The following GPR180 variants were observed in gnomAD, a reference collection of about 807,000 sequenced individuals.
GPR180 encodes the protein integral membrane protein GPR180.
GPR180 carries 53 observed loss-of-function variants against 52.6 expected under a neutral mutation model. The observed-to-expected ratio is 1.01, with a 90% confidence interval of 0.81 to 1.27. The LOEUF is 1.27. Ranked by LOEUF, GPR180 falls within the 50% of genes most tolerant of loss-of-function variation. The pLI is 0.00. For synonymous variants in GPR180, 200 were observed against 193.1 expected, an observed-to-expected ratio of 1.04 and a Z score of -0.30; for missense variants, 533 against 527.0, an observed-to-expected ratio of 1.01 and a Z score of -0.11.
intron 3 of GPR180, among the ~76,000 whole-genome samples, 186 bp downstream of exon 3, chr13:94,612,576 T>C (rs1889722461): frequency 6.6e-6 from 1 of 152,232 alleles, no homozygotes; most frequent in Non-Finnish European, 1.5e-5. Context: ...AGAGTATTAC[T>C]TGAGTGTATT....
intron 1 of GPR180, among the ~76,000 whole-genome samples, chr13:94,605,181 G>A (rs574673062): frequency 6.6e-6 from 1 of 152,266 alleles, no homozygotes; most frequent in African/African-American, 2.4e-5. Context: ...GTTATCAGCT[G>A]AATTTCAAGG....
At chr13:94,619,099 C>A (rs770825661) in intron 3 of GPR180, 51 bp from the exon 4 acceptor site, 2 of 1,467,462 alleles carry the variant, frequency 1.4e-6, no homozygotes, top group African/African-American at 1.4e-5. Flanking sequence ...CAGCCCAATA[C>A]GATAACTGGC....
At position 94,621,161 on chromosome 13, in the gene GPR180, T is replaced by A; in HGVS notation, c.820T>A (p.Ser274Thr). The change falls in exon 6 of 9, where the codon TCT becomes ACT. Residue 274 changes from serine (S) to threonine (T), a missense_variant. Transcript: ENST00000376958. Reference protein sequence around the residue: ...MGWTIVRMKKSQSRPLQWDST... With the variant: ...MGWTIVRMKKTQSRPLQWDST... ...TTGGACAATAGTCAGAATGAAGAAG[T>A]CTCAAAGCAGACCTCTCCAGTGGGA... 1 of 1,612,572 alleles carries A rather than the reference T, an allele frequency of 6.2e-7. No homozygotes were observed. The highest frequency in any genetic ancestry group is 8.5e-7 in the Non-Finnish European group (1 of 1,179,696).
intron 8 of GPR180, among the ~76,000 whole-genome samples, 160 bp downstream of exon 8, chr13:94,626,203 G>T (rs1889926554): frequency 6.6e-6 from 1 of 151,956 alleles, no homozygotes; most frequent in Admixed American, 6.6e-5. Flanking sequence ...TAAATTTGAA[G>T]TTTAAAATAT....
At position 94,619,528 on chromosome 13, in the gene GPR180, T is replaced by C; in HGVS notation, c.736+11T>C. 1.2e-6 allele frequency: 2 copies of C among 1,607,546 alleles called. No individual in the cohort carries two copies. The highest frequency in any genetic ancestry group is 1.7e-6 in the Non-Finnish European group (2 of 1,176,008). On this transcript the variant is annotated intron_variant, in intron 5 of 8. Coordinates refer to ENST00000376958, the MANE Select transcript of GPR180 (RefSeq NM_180989.6). Reference sequence around the variant, plus strand: ...GAAGTTTGGCAGAATGTGAGTATCTTTCTGAGCATTTTTTAAAAAGCTTTT... The same window carrying C: ...GAAGTTTGGCAGAATGTGAGTATCTCTCTGAGCATTTTTTAAAAAGCTTTT...
Position 94,627,803 on chromosome 13 carries a change from T to C in GPR180, c.*632T>C, listed in dbSNP as rs1300463401. The C allele has an allele frequency of 3.3e-5, 5 of 152,166 alleles. No homozygotes were observed. The highest frequency in any genetic ancestry group is 1.2e-4 in the African/African-American group (5 of 41,448). 9.4% of individuals were successfully genotyped at this position (152,166 alleles called of 1,614,324 possible). Reference sequence around the variant, plus strand: ...GGTTTTAGCTTGATTAGCAAAGGTTTTTGACAAACAGTTTATGAAAAAATA... The same window carrying C: ...GGTTTTAGCTTGATTAGCAAAGGTTCTTGACAAACAGTTTATGAAAAAATA... On this transcript the variant is annotated 3_prime_UTR_variant, in exon 9 of 9. Coordinates refer to ENST00000376958, the MANE Select transcript of GPR180 (RefSeq NM_180989.6).
chr13:94,619,158 G>GC lies in GPR180; in HGVS notation c.514_515insC (p.Glu172AlafsTer26). ...CTTTCTTCTCTTCACAGGGTTACAT[G>GC]AGTTCTTTTTCCTCCTAGTCCTAGT... On this transcript the variant is annotated frameshift_variant, in exon 4 of 9. Transcript: ENST00000376958. LOFTEE classifies it high-confidence loss of function. 2 of 1,613,616 alleles carry GC rather than the reference G, an allele frequency of 1.2e-6. No homozygotes were observed. Among genetic ancestry groups the GC allele is most frequent in the Non-Finnish European group, 1.7e-6 (2 of 1,179,770 alleles).
At chr13:94,625,555 G>T (rs1044899092) in intron 7 of GPR180, among the ~76,000 whole-genome samples, 1 of 152,064 alleles carries the variant, frequency 6.6e-6, no homozygotes, top group Non-Finnish European at 1.5e-5. Flanking sequence ...CCTCAAACAG[G>T]TAACGACTAT....
chr13:94,621,181 GTGGGATTCTACGCCTGCATCCAC>G lies in GPR180; in HGVS notation c.844_866del (p.Asp282HisfsTer19). ...AGAAGTCTCAAAGCAGACCTCTCCA[GTGGGATTCTACGCCTGCATCCAC>G]TGGCATTGCAGTATTCATTGTCATG... On this transcript the variant is annotated frameshift_variant, in exon 6 of 9. Transcript: ENST00000376958. LOFTEE classifies it high-confidence loss of function. The G allele has an allele frequency of 6.2e-7, 1 of 1,611,870 alleles. No individual in the cohort carries two copies. Among genetic ancestry groups the G allele is most frequent in the Non-Finnish European group, 8.5e-7 (1 of 1,179,550 alleles).
At chr13:94,604,905 C>G (rs567407177) in intron 1 of GPR180, among the ~76,000 whole-genome samples, 1 of 152,056 alleles carries the variant, frequency 6.6e-6, no homozygotes, top group Admixed American at 6.5e-5. Flanking sequence ...GTCGTAGATA[C>G]CAAATTTTGT....
chr13:94,627,118 G>T lies in GPR180; in HGVS notation c.1270G>T (p.Val424Leu), dbSNP rs1594480937. The T allele has an allele frequency of 5.0e-6, 8 of 1,613,074 alleles. No homozygotes were observed. The highest frequency in any genetic ancestry group is 6.8e-6 in the Non-Finnish European group (8 of 1,179,538). The change falls in exon 9 of 9, where the codon GTA becomes TTA. Residue 424 changes from valine to leucine, a missense_variant. Coordinates refer to ENST00000376958, the MANE Select transcript of GPR180 (RefSeq NM_180989.6). Reference protein sequence around the residue: ...LYWEVSSLSSVTLPLTISSGH... With the variant: ...LYWEVSSLSSLTLPLTISSGH... ...CTGGGAAGTTTCTTCACTTTCTTCA[G>T]TAACACTACCACTGACCATATCATC...
At chr13:94,609,528 G>GT (rs1447398283) in intron 2 of GPR180, among the ~76,000 whole-genome samples, 3 of 151,790 alleles carry the variant, frequency 2.0e-5, no homozygotes, top group Admixed American at 1.3e-4. Context: ...AAAAGTGTGG[G>GT]TTTTTTTTAT....
rs1180806768 is a variant in GPR180, at chr13:94,605,494, G to A, written c.249G>A (p.Gln83=). ...AAGCCCAGGAATGGCTAAAGCTACA[G>A]CAAAGCAGTCATGGTTATAGCTGTA... The part of the protein sequence containing the change: ...LFQAQEWLKL[Q]QSSHGYSCSE... The change falls in exon 2 of 9, where the codon CAG becomes CAA. Residue 83 remains glutamine, a synonymous_variant. Transcript: ENST00000376958. 10 of 1,614,154 alleles carry A rather than the reference G, an allele frequency of 6.2e-6. No individual in the cohort carries two copies. Among genetic ancestry groups the A allele is most frequent in the Admixed American group, 1.7e-5 (1 of 60,022 alleles).
At chr13:94,614,955 T>C (rs80098453) in intron 3 of GPR180, among the ~76,000 whole-genome samples, 5,240 of 152,336 alleles carry the variant, frequency 0.034, 315 homozygotes, top group African/African-American at 0.12. Flanking sequence ...CATCATTTTA[T>C]TGATTAAAAT....
In GPR180 at chr13:94,626,033, A is replaced by G. The variant is rs142753413; in HGVS notation, c.1154A>G (p.Gln385Arg). 6.8e-6 allele frequency: 11 copies of G among 1,608,466 alleles called. No individual in the cohort carries two copies. In the African/African-American group the frequency reaches 1.3e-4, roughly 20 times the overall value. ...ACISVIFSDY[Q>R]RDKVITIGVI... ...ATTTCTGTCATTTTTAGCGACTACCAAAGAGACAAGGTAAGAAATATACAT... is the reference window on the plus strand; with the variant it reads ...ATTTCTGTCATTTTTAGCGACTACCGAAGAGACAAGGTAAGAAATATACAT... The change falls in exon 8 of 9, where the codon CAA (glutamine) becomes CGA (arginine). Residue 385 changes from glutamine to arginine, a missense_variant. Coordinates refer to ENST00000376958, the MANE Select transcript of GPR180 (RefSeq NM_180989.6).
intron 7 of GPR180, among the ~76,000 whole-genome samples, chr13:94,625,748 A>G (rs566585017): frequency 2.9e-4 from 44 of 152,346 alleles, no homozygotes; most frequent in African/African-American, 1.0e-3. Flanking sequence ...ATTTATAAAC[A>G]TAAGATTATA....
chr13:94,612,175 T>C lies in GPR180; in HGVS notation c.305-15T>C, dbSNP rs1303106322. On this transcript the variant is annotated splice_polypyrimidine_tract_variant and intron_variant, in intron 2 of 8. Coordinates refer to ENST00000376958, the MANE Select transcript of GPR180 (RefSeq NM_180989.6). The stretch of plus-strand genomic sequence containing the variant: ...GAGAATTTTGTTACAAAAGGTGTTT[T>C]CTTTCTCTTTAAAGTGACCATGAAC... 6.2e-7 allele frequency: 1 copy of C among 1,607,486 alleles called. No homozygotes were observed. The highest frequency in any genetic ancestry group is 1.7e-5 in the Admixed American group (1 of 59,432).
rs570807308 is a variant in GPR180 at position 94,618,420 on chromosome 13, A to ATTTTTTTTTTTTT, written c.506-719_506-707dup. Among the ~76,000 whole-genome samples, 109 of 87,132 alleles carry ATTTTTTTTTTTTT rather than the reference A, an allele frequency of 1.3e-3. 24 individuals carry two copies. The highest frequency in any genetic ancestry group is 5.2e-3 in the African/African-American group (82 of 15,828). The allele number at this position is 87,132 out of a possible 152,430, so 57.2% of individuals were successfully genotyped here. Reference sequence around the variant, plus strand: ...CATGGAGTCGCATGATCAGCACAGGATTTTTTTTTTTTTTTTTTTTTTTGG... The same window carrying ATTTTTTTTTTTTT: ...CATGGAGTCGCATGATCAGCACAGGATTTTTTTTTTTTTTTTTTTTTTTTTTTTTTTTTTTTGG... On this transcript the variant is annotated intron_variant, in intron 3 of 8. Transcript: ENST00000376958.
rs934851578 is a variant in GPR180, at chr13:94,628,535, T to C, written c.*1364T>C. On this transcript the variant is annotated 3_prime_UTR_variant, in exon 9 of 9. Coordinates refer to ENST00000376958, the MANE Select transcript of GPR180 (RefSeq NM_180989.6). The stretch of plus-strand genomic sequence containing the variant: ...AAAATAATGTAGTGCAACTTAAAAA[T>C]ATCTATGGCTTTGTTTTTGTTTTTC... The C allele has an allele frequency of 1.3e-5, 2 of 152,130 alleles. No homozygotes were observed. Among genetic ancestry groups the C allele is most frequent in the Non-Finnish European group, 2.9e-5 (2 of 67,938 alleles). 9.4% of individuals were successfully genotyped at this position (152,130 alleles called of 1,614,324 possible).
Sources: gnomAD v4.1 joint callset for allele counts (sites outside exome capture counted in the v4.1 genomes callset) on GRCh38, gnomAD v4.1.1 for gene constraint, MANE v1.5 for transcripts, NCBI Gene and HGNC (gene_info 2026-07-23, HGNC 2026-07-21) for gene names.